The following GRHL2 variants were observed in gnomAD, a reference collection of about 807,000 sequenced individuals.
GRHL2 encodes grainyhead-like protein 2 homolog.
Under a neutral mutation model 83.8 loss-of-function variants are expected in GRHL2, and 21 were observed. That is an observed-to-expected ratio of 0.25 (90% CI 0.18 to 0.36). The LOEUF is 0.36. Ranked by LOEUF, GRHL2 falls within the 10% of genes least tolerant of loss-of-function variation. The pLI is 1.00. For missense variants in GRHL2, 623 were observed against 781.8 expected, an observed-to-expected ratio of 0.80 and a Z score of 2.42; for synonymous variants, 280 against 278.9, an observed-to-expected ratio of 1.00 and a Z score of -0.04.
intron 8 of GRHL2, among the ~76,000 whole-genome samples, chr8:101,619,212 C>T (rs1812914822): frequency 6.6e-6 from 1 of 151,964 alleles, no homozygotes. Flanking sequence ...GAGATCACGC[C>T]ACTGCACTCC....
At chr8:101,663,832 G>A (rs181305246) in intron 14 of GRHL2, among the ~76,000 whole-genome samples, 1 of 151,322 alleles carries the variant, frequency 6.6e-6, no homozygotes, top group East Asian at 1.9e-4. Context: ...TTAACTTAAG[G>A]AAGTTAGTTC....
intron 4 of GRHL2, among the ~76,000 whole-genome samples, chr8:101,560,202 GTGTT>G (rs1046600893): frequency 3.4e-5 from 5 of 145,430 alleles, no homozygotes; most frequent in African/African-American, 1.4e-4. Context: ...GTGTGTGTGT[GTGTT>G]TTTAGTAGAG....
At chr8:101,499,575 A>G (rs147832575) in intron 1 of GRHL2, among the ~76,000 whole-genome samples, 13 of 152,334 alleles carry the variant, frequency 8.5e-5, no homozygotes, top group African/African-American at 3.1e-4. Flanking sequence ...CAGCATCAGC[A>G]GCCCATCCTT....
At chr8:101,523,261 T>A (rs765202293) in intron 1 of GRHL2, among the ~76,000 whole-genome samples, 1 of 151,632 alleles carries the variant, frequency 6.6e-6, no homozygotes, top group Non-Finnish European at 1.5e-5. Flanking sequence ...TTTTTTTCCA[T>A]ACAGGTGAAG....
At position 101,576,320 on chromosome 8, in the gene GRHL2, T is replaced by A. The variant is rs967975090; in HGVS notation, c.892-1088T>A. ...CCTCAACCTCCCAAGCTCAAACGGA[T>A]CCTCCTGTCTCAGCCTTCCAAGTAG... On this transcript the variant is annotated intron_variant, in intron 6 of 15. Coordinates refer to ENST00000646743, the MANE Select transcript of GRHL2 (RefSeq NM_024915.4). 2.6e-5 allele frequency among the ~76,000 whole-genome samples: 4 copies of A among 152,284 alleles called. No individual in the cohort carries two copies. In the East Asian group the frequency reaches 7.7e-4, roughly 29 times the overall value.
At chr8:101,674,465 G>C (rs1043864778), downstream of GRHL2, among the ~76,000 whole-genome samples, 33 of 152,228 alleles carry the variant, frequency 2.2e-4, no homozygotes, top group African/African-American at 7.9e-4. Context: ...TAGAAGAAAT[G>C]GATAAATTCC....
At chr8:101,504,112 C>T (rs1810286591) in intron 1 of GRHL2, among the ~76,000 whole-genome samples, 1 of 152,060 alleles carries the variant, frequency 6.6e-6, no homozygotes, top group Admixed American at 6.6e-5. Flanking sequence ...AACGGAAAAG[C>T]CTACTTGCTG....
chr8:101,507,911 T>C (rs994042636), intron 1 of GRHL2, among the ~76,000 whole-genome samples: 1 of 87,394 alleles, frequency 1.1e-5, no homozygotes, highest in Non-Finnish European at 2.0e-5. Context: ...TTGAATCTCT[T>C]AGCTGAGATT....
intron 14 of GRHL2, among the ~76,000 whole-genome samples, chr8:101,649,932 T>G (rs1409237910): frequency 1.3e-5 from 2 of 152,242 alleles, no homozygotes; most frequent in African/African-American, 4.8e-5. Context: ...TGATTTGCAG[T>G]AAGACTTTTC....
chr8:101,545,627 ATGTAT>A (rs1353120793), intron 2 of GRHL2, among the ~76,000 whole-genome samples: 1 of 151,992 alleles, frequency 6.6e-6, no homozygotes, highest in Non-Finnish European at 1.5e-5. Flanking sequence ...AATTTTCAAA[ATGTAT>A]TGAGGATAGT....
chr8:101,678,107 A>G, the GRHL2 span, among the ~76,000 whole-genome samples: 3 of 152,210 alleles, frequency 2.0e-5, no homozygotes, highest in Admixed American at 6.5e-5. Flanking sequence ...GAACAGCTCC[A>G]GTCTACAGCT....
chr8:101,590,450 G>T (rs4734027), intron 7 of GRHL2, among the ~76,000 whole-genome samples: 78,451 of 151,936 alleles, frequency 0.52, 21,006 homozygotes, highest in Non-Finnish European at 0.59. Context: ...CTGCAGACAG[G>T]GAGAAGTGGA....
intron 6 of GRHL2, among the ~76,000 whole-genome samples, chr8:101,574,513 T>C (rs1164755491): frequency 6.6e-6 from 1 of 152,232 alleles, no homozygotes; most frequent in Non-Finnish European, 1.5e-5. Context: ...TCCTGATCTG[T>C]TGTAAAATGA....
chr8:101,656,225 C>T (rs1228021894), intron 14 of GRHL2, among the ~76,000 whole-genome samples: 1 of 152,202 alleles, frequency 6.6e-6, no homozygotes, highest in Admixed American at 6.5e-5. Context: ...GTGGTGTATT[C>T]CCAGAGCCTT....
chr8:101,530,169 C>T (rs1171458995), intron 1 of GRHL2, among the ~76,000 whole-genome samples: 1 of 152,186 alleles, frequency 6.6e-6, no homozygotes, highest in Non-Finnish European at 1.5e-5. Flanking sequence ...CACATTAACC[C>T]CTCCTGCACC....
At chr8:101,525,085 G>A (rs1054555440) in intron 1 of GRHL2, among the ~76,000 whole-genome samples, 7 of 152,214 alleles carry the variant, frequency 4.6e-5, no homozygotes, top group Non-Finnish European at 1.0e-4. Flanking sequence ...TGGGATTACA[G>A]GCACTGGCCA....
intron 8 of GRHL2, among the ~76,000 whole-genome samples, chr8:101,612,553 A>ATACATACATACT (rs1282745229): frequency 6.8e-6 from 1 of 148,122 alleles, no homozygotes; most frequent in African/African-American, 2.6e-5. Context: ...ACATACATAC[A>ATACATACATACT]TAGATATTGA....
chr8:101,505,641 G>A (rs1401119554), intron 1 of GRHL2, among the ~76,000 whole-genome samples: 1 of 151,690 alleles, frequency 6.6e-6, no homozygotes, highest in African/African-American at 2.4e-5. Flanking sequence ...TTGTGGGAGG[G>A]TTGAGGGAAG....
At chr8:101,571,454 A>G (rs1330497467) in intron 5 of GRHL2, among the ~76,000 whole-genome samples, 2 of 150,940 alleles carry the variant, frequency 1.3e-5, no homozygotes, top group African/African-American at 4.9e-5. Flanking sequence ...CAGAAGTTCA[A>G]GACCAGCCTG....
Sources: gnomAD v4.1 joint callset for allele counts (sites outside exome capture counted in the v4.1 genomes callset) on GRCh38, gnomAD v4.1.1 for gene constraint, MANE v1.5 for transcripts, NCBI Gene and HGNC (gene_info 2026-07-23, HGNC 2026-07-21) for gene names.